The following RIT2 variants were observed in gnomAD, a reference collection of about 807,000 sequenced individuals.
The protein encoded by RIT2 is GTP-binding protein Rit2.
RIT2 carries 24 observed loss-of-function variants against 23.7 expected under a neutral mutation model. The observed-to-expected ratio is 1.01, with a 90% confidence interval of 0.73 to 1.43. The LOEUF is 1.43. RIT2 is among the 40% of genes most tolerant of loss of function. The pLI is 0.00. For missense variants in RIT2, 236 were observed against 266.9 expected (o/e 0.88, Z 0.81); for synonymous variants, 107 against 91.1 (o/e 1.17, Z -0.99).
chr18:42,944,741 T>C (rs534283029), intron 3 of RIT2, among the ~76,000 whole-genome samples: 21 of 152,168 alleles, frequency 1.4e-4, no homozygotes, highest in Non-Finnish European at 2.9e-4. Flanking sequence ...GGGATAGGTT[T>C]GTCTGCAAGT....
At chr18:42,974,922 A>G (rs1910445097) in intron 2 of RIT2, among the ~76,000 whole-genome samples, 1 of 152,112 alleles carries the variant, frequency 6.6e-6, no homozygotes, top group South Asian at 2.1e-4. Flanking sequence ...ATTGAAAGAC[A>G]TTTGACATTT....
chr18:43,112,280 A>G (rs549468364), intron 1 of RIT2, among the ~76,000 whole-genome samples: 5 of 152,132 alleles, frequency 3.3e-5, no homozygotes, highest in Admixed American at 1.3e-4. Context: ...GGCACAAGTT[A>G]TTTTTCTGAC....
intron 4 of RIT2, among the ~76,000 whole-genome samples, chr18:42,874,093 C>T (rs185829147): frequency 6.6e-6 from 1 of 152,218 alleles, no homozygotes. Context: ...ACCCTGCTCC[C>T]ATCCCTGAAT....
rs567069889 is a variant in RIT2 at position 42,857,797 on chromosome 18, C to T, written c.426+65775G>A. 3.3e-5 allele frequency among the ~76,000 whole-genome samples: 5 copies of T among 152,238 alleles called. No homozygotes were observed. The East Asian group carries it at 7.7e-4, about 24-fold the overall frequency. ...CAGGTTGCAGGCCAAAAGTGATTTA[C>T]GGAGGGAATTACATGGTATTTGGTA... is the stretch of plus-strand genomic sequence containing the variant. On this transcript the variant is annotated intron_variant, in intron 4 of 4. Transcript: ENST00000326695.
chr18:42,924,863 T>C (rs947960099), intron 3 of RIT2, among the ~76,000 whole-genome samples: 2 of 152,092 alleles, frequency 1.3e-5, no homozygotes, highest in Non-Finnish European at 1.5e-5. Context: ...TTTATGTAGA[T>C]CCAGGAACTT....
At chr18:43,038,455 T>C (rs1314807080) in intron 1 of RIT2, among the ~76,000 whole-genome samples, 1 of 151,976 alleles carries the variant, frequency 6.6e-6, no homozygotes, top group Middle Eastern at 3.2e-3. Flanking sequence ...ATTAATCACA[T>C]GTTAATTCTC....
chr18:43,037,446 A>G (rs1325299137), intron 1 of RIT2, among the ~76,000 whole-genome samples: 1 of 152,148 alleles, frequency 6.6e-6, no homozygotes, highest in Non-Finnish European at 1.5e-5. Context: ...CTTTGAATTT[A>G]CAATCGTAAA....
chr18:43,043,056 C>A (rs746105956), intron 1 of RIT2, among the ~76,000 whole-genome samples: 6 of 151,730 alleles, frequency 4.0e-5, no homozygotes, highest in South Asian at 2.1e-4. Flanking sequence ...AATATATTTA[C>A]AAGAAATTAT....
intron 4 of RIT2, among the ~76,000 whole-genome samples, chr18:42,797,823 A>G (rs1905417763): frequency 6.6e-6 from 1 of 152,220 alleles, no homozygotes. Flanking sequence ...TTATAAGGCA[A>G]ATTTAAATGT....
chr18:42,813,645 T>G (rs1016061160), intron 4 of RIT2, among the ~76,000 whole-genome samples: 3 of 152,120 alleles, frequency 2.0e-5, no homozygotes, highest in African/African-American at 4.8e-5. Context: ...GTAAAAGAAA[T>G]AAATTCATTT....
At chr18:42,933,868 A>G (rs897963468) in intron 3 of RIT2, among the ~76,000 whole-genome samples, 3 of 151,684 alleles carry the variant, frequency 2.0e-5, no homozygotes, top group Non-Finnish European at 2.9e-5. Context: ...AAATACAACA[A>G]TTAGCTGGGC....
intron 4 of RIT2, among the ~76,000 whole-genome samples, chr18:42,905,900 G>C (rs1280400166): frequency 6.8e-6 from 1 of 147,030 alleles, no homozygotes; most frequent in East Asian, 2.0e-4. Context: ...AGGGATAAAG[G>C]CTAAGGAGGA....
chr18:42,856,491 A>G (rs1907184990), intron 4 of RIT2, among the ~76,000 whole-genome samples: 1 of 152,238 alleles, frequency 6.6e-6, no homozygotes. Context: ...GTGTATACAC[A>G]TTAAATTCAT....
At chr18:42,851,524 G>C (rs1046275903) in intron 4 of RIT2, among the ~76,000 whole-genome samples, 4 of 152,106 alleles carry the variant, frequency 2.6e-5, no homozygotes, top group Admixed American at 2.6e-4. Context: ...GAAAGGCAAT[G>C]GTTTTCAATT....
chr18:42,806,366 G>A lies in RIT2; in HGVS notation c.427-62646C>T, dbSNP rs1314385033. 2.0e-5 allele frequency among the ~76,000 whole-genome samples: 3 copies of A among 151,952 alleles called. No homozygotes were observed. The South Asian group carries it at 6.2e-4, about 31-fold the overall frequency. ...CACCTGTAATCCCAGCTACTTGGGA[G>A]GATGAGGCAGGAGAATCACTTGAAT... is the stretch of plus-strand genomic sequence containing the variant. On this transcript the variant is annotated intron_variant, in intron 4 of 4. Transcript: ENST00000326695.
At chr18:42,837,141 T>TTTTTTC (rs1568008814) in intron 4 of RIT2, among the ~76,000 whole-genome samples, 18 of 142,148 alleles carry the variant, frequency 1.3e-4, no homozygotes, top group East Asian at 6.2e-4. Flanking sequence ...AAATTTCTTT[T>TTTTTTC]TTTTTCTTTT....
At chr18:43,033,952 T>A in intron 1 of RIT2, 85 bp from the exon 2 acceptor site, 1 of 899,876 alleles carries the variant, frequency 1.1e-6, no homozygotes, top group Non-Finnish European at 1.8e-6. Context: ...ACCAATCTTT[T>A]AAAAGGTTAT....
chr18:42,927,927 G>A (rs555460966), intron 3 of RIT2, among the ~76,000 whole-genome samples: 1 of 151,870 alleles, frequency 6.6e-6, no homozygotes, highest in Non-Finnish European at 1.5e-5. Flanking sequence ...TTTTAAGCAG[G>A]TATTAGAAAA....
chr18:42,756,379 G>T (rs1913163859), intron 4 of RIT2, among the ~76,000 whole-genome samples: 1 of 152,086 alleles, frequency 6.6e-6, no homozygotes, highest in Non-Finnish European at 1.5e-5. Context: ...AAGGGTTTTA[G>T]ACTGCTTTGT....
Sources: allele counts gnomAD v4.1 joint callset (sites outside exome capture counted in the v4.1 genomes callset), GRCh38; gene constraint gnomAD v4.1.1; transcripts MANE v1.5; gene names NCBI Gene and HGNC (gene_info 2026-07-23, HGNC 2026-07-21).